Variants in MDGA2 observed in about 807,000 individuals in gnomAD.
The protein encoded by MDGA2 is MAM domain containing glycosylphosphatidylinositol anchor 2.
Under a neutral mutation model 117.8 loss-of-function variants are expected in MDGA2, and 40 were observed. That is an observed-to-expected ratio of 0.34 (90% CI 0.26 to 0.44). The LOEUF (loss-of-function observed/expected upper bound fraction) is 0.44, where lower values mean the gene tolerates loss of function less well. Among genes scored for constraint, MDGA2 ranks in the 20% least tolerant of loss-of-function variants. MDGA2 has a pLI of 1.00. For synonymous variants in MDGA2, 452 were observed against 439.0 expected, an observed-to-expected ratio of 1.03 and a Z score of -0.37; for missense variants, 1,123 against 1,250.6, an observed-to-expected ratio of 0.90 and a Z score of 1.54.
chr14:46,930,720 C>T (rs1255826034), intron 9 of MDGA2, among the ~76,000 whole-genome samples: 1 of 152,068 alleles, frequency 6.6e-6, no homozygotes, highest in Non-Finnish European at 1.5e-5. Context: ...AAAGCGACTG[C>T]TGTTACTAAA....
intron 6 of MDGA2, among the ~76,000 whole-genome samples, chr14:47,082,304 G>A (rs1186688463): frequency 1.4e-5 from 2 of 141,004 alleles, no homozygotes; most frequent in Admixed American, 7.5e-5. Flanking sequence ...CAGGCAACCT[G>A]AACTTGAGAG....
chr14:47,662,529 C>T (rs534964331), intron 1 of MDGA2, among the ~76,000 whole-genome samples: 20 of 151,970 alleles, frequency 1.3e-4, no homozygotes, highest in South Asian at 6.2e-4. Flanking sequence ...GTATCAATGA[C>T]GACAGAAAGT....
At chr14:47,597,880 AC>A in intron 1 of MDGA2, among the ~76,000 whole-genome samples, 1 of 149,966 alleles carries the variant, frequency 6.7e-6, no homozygotes, top group Non-Finnish European at 1.5e-5. Context: ...ACACACACAC[AC>A]ACAAAACACA....
chr14:47,299,919 T>A (rs1594781898), intron 2 of MDGA2, among the ~76,000 whole-genome samples: 1 of 152,350 alleles, frequency 6.6e-6, no homozygotes, highest in East Asian at 1.9e-4. Flanking sequence ...TTTTTCAACA[T>A]TTTTAATAAT....
intron 1 of MDGA2, among the ~76,000 whole-genome samples, chr14:47,452,024 C>T (rs1043113202): frequency 2.0e-5 from 3 of 152,032 alleles, no homozygotes; most frequent in African/African-American, 7.2e-5. Context: ...CAATATGGTG[C>T]ACATTTTCAA....
Position 46,920,026 on chromosome 14 carries a change from A to C in MDGA2, c.2224T>G (p.Leu742Val). 1 of 1,580,116 alleles carries C rather than the reference A, an allele frequency of 6.3e-7. No individual in the cohort carries two copies. The highest frequency in any genetic ancestry group is 8.6e-7 in the Non-Finnish European group (1 of 1,167,354). The change falls in exon 10 of 17, where the codon TTG becomes GTG. Residue 742 changes from leucine (L) to valine (V), a missense_variant. By Grantham distance (32) the Leu-to-Val change is conservative. Around this residue, in one of 2 missense-constraint regions of MDGA2, gnomAD observed 890 missense variants for 1,050.3 expected, o/e 0.85. Transcript: ENST00000399232. ...AGATTTCTCACCTGCCTGATGCCCAACCGGTATGCAACAATCCGATCCACT... is the reference window on the plus strand; with the variant it reads ...AGATTTCTCACCTGCCTGATGCCCACCCGGTATGCAACAATCCGATCCACT... ...DAVDRIVAYRLGIRQAGQQRW... is the reference protein window; with the variant it reads ...DAVDRIVAYRVGIRQAGQQRW...
chr14:47,186,417 A>G (rs1884913177), intron 3 of MDGA2, among the ~76,000 whole-genome samples: 1 of 151,838 alleles, frequency 6.6e-6, no homozygotes, highest in Non-Finnish European at 1.5e-5. Context: ...CAAATTTCTT[A>G]TAAACCTATA....
At chr14:47,202,329 G>A (rs1399308199) in intron 3 of MDGA2, among the ~76,000 whole-genome samples, 1 of 152,180 alleles carries the variant, frequency 6.6e-6, no homozygotes, top group Non-Finnish European at 1.5e-5. Flanking sequence ...TATAAACCTA[G>A]TAAAAGGTGG....
chr14:46,989,958 A>G (rs1887021491), intron 8 of MDGA2, among the ~76,000 whole-genome samples: 1 of 152,088 alleles, frequency 6.6e-6, no homozygotes, highest in African/African-American at 2.4e-5. Flanking sequence ...AACAGCCCCA[A>G]TTTTTATGTA....
chr14:47,485,302 C>T (rs1293392466), intron 1 of MDGA2, among the ~76,000 whole-genome samples: 1 of 152,058 alleles, frequency 6.6e-6, no homozygotes, highest in Non-Finnish European at 1.5e-5. Context: ...TTTTGCCCCA[C>T]CCTAGAAATC....
intron 7 of MDGA2, chr14:47,058,645 AGT>A (rs1889768729): frequency 1.0e-5 from 10 of 984,794 alleles, no homozygotes; most frequent in African/African-American, 7.0e-5. Context: ...TAATGATGTC[AGT>A]TGAATCATAC....
At chr14:47,022,650 A>G (rs1231754950) in intron 8 of MDGA2, among the ~76,000 whole-genome samples, 1 of 152,202 alleles carries the variant, frequency 6.6e-6, no homozygotes, top group Non-Finnish European at 1.5e-5. Flanking sequence ...ACATGGCTGG[A>G]GACTTCAGGG....
chr14:46,915,713 C>A (rs1883871725), intron 10 of MDGA2, among the ~76,000 whole-genome samples: 1 of 152,186 alleles, frequency 6.6e-6, no homozygotes, highest in African/African-American at 2.4e-5. Context: ...CACTCAAGGT[C>A]TGCAGAAGGG....
chr14:46,842,509 T>A (rs28549114), intron 16 of MDGA2, among the ~76,000 whole-genome samples: 1 of 152,194 alleles, frequency 6.6e-6, no homozygotes, highest in African/African-American at 2.4e-5. Flanking sequence ...CATGTTTAGA[T>A]CGGTCCATTA....
chr14:46,840,695 T>C lies in MDGA2; in HGVS notation c.*1236A>G, dbSNP rs1361525994. On this transcript the variant is annotated 3_prime_UTR_variant, in exon 17 of 17. Coordinates refer to ENST00000399232, the MANE Select transcript of MDGA2 (RefSeq NM_001113498.3). ...CACTGCAATCCCAAACATTTTCTTG[T>C]TCCCTCTAAAGCTAGGGCCAATTTC... The C allele has an allele frequency of 7.9e-5, 12 of 152,580 alleles. No homozygotes were observed. Among genetic ancestry groups the C allele is most frequent in the Admixed American group, 3.3e-4 (5 of 15,262 alleles). 9.5% of individuals were successfully genotyped at this position (152,580 alleles called of 1,614,324 possible).
intron 1 of MDGA2, among the ~76,000 whole-genome samples, chr14:47,439,954 GT>G (rs1056771365): frequency 5.9e-5 from 9 of 151,302 alleles, no homozygotes; most frequent in Non-Finnish European, 2.9e-5. Flanking sequence ...CTTTTTTTTG[GT>G]TTGTAAATTC....
rs192697968 is a variant in MDGA2 at position 47,295,135 on chromosome 14, T to C, written c.420+6276A>G. Among the ~76,000 whole-genome samples the C allele has an allele frequency of 2.0e-5, 3 of 152,286 alleles. No individual in the cohort carries two copies. The East Asian group carries it at 5.8e-4, about 29-fold the overall frequency. On this transcript the variant is annotated intron_variant, in intron 2 of 16. Transcript: ENST00000399232. ...GTGGCTTTCAAAAATATTTTAGTGA[T>C]GAAAAATATTATTCAAATGAAATCT...
chr14:47,192,690 T>C (rs1208130881), intron 3 of MDGA2, among the ~76,000 whole-genome samples: 1 of 152,046 alleles, frequency 6.6e-6, no homozygotes, highest in African/African-American at 2.4e-5. Flanking sequence ...TCAGAATATA[T>C]TGTTCAGAGT....
intron 2 of MDGA2, among the ~76,000 whole-genome samples, chr14:47,287,515 T>C (rs1387037557): frequency 6.6e-6 from 1 of 152,172 alleles, no homozygotes; most frequent in Non-Finnish European, 1.5e-5. Context: ...TTAATTACTA[T>C]ATCCATAGCT....
Sources: gnomAD v4.1 joint callset for allele counts (sites outside exome capture counted in the v4.1 genomes callset) on GRCh38, gnomAD v4.1.1 for gene constraint, gnomAD v4.1.1 regional missense constraint, MANE v1.5 for transcripts, NCBI Gene and HGNC (gene_info 2026-07-23, HGNC 2026-07-21) for gene names.